Variants in BMERB1 observed in about 807,000 individuals in gnomAD.
The protein encoded by BMERB1 is bMERB domain-containing protein 1.
BMERB1 carries 12 observed loss-of-function variants against 23.6 expected under a neutral mutation model. That is an observed-to-expected ratio of 0.51 (90% CI 0.33 to 0.82). The LOEUF is 0.82. Among genes scored for constraint, BMERB1 ranks in the 40% least tolerant of loss-of-function variants. The pLI is 0.03. For missense variants in BMERB1, 247 were observed against 255.4 expected (o/e 0.97, Z 0.22); for synonymous variants, 122 against 96.6 (o/e 1.26, Z -1.54).
chr16:15,485,056 G>T (rs1474638762), intron 1 of BMERB1, among the ~76,000 whole-genome samples: 1 of 152,188 alleles, frequency 6.6e-6, no homozygotes, highest in African/African-American at 2.4e-5. Context: ...TAGCCATCAG[G>T]TAGCAATCCC....
intron 2 of BMERB1, among the ~76,000 whole-genome samples, chr16:15,544,483 A>G (rs569637777): frequency 3.3e-5 from 5 of 152,322 alleles, no homozygotes; most frequent in South Asian, 2.1e-4. Flanking sequence ...ACTGGTCCCT[A>G]TAGTTGCAGA....
intron 1 of BMERB1, among the ~76,000 whole-genome samples, chr16:15,491,016 G>T (rs1256028233): frequency 6.6e-6 from 1 of 151,316 alleles, no homozygotes; most frequent in African/African-American, 2.4e-5. Context: ...GGCTATTTTG[G>T]TTTTTGTATT....
intron 3 of BMERB1, among the ~76,000 whole-genome samples, chr16:15,572,072 A>G (rs2030742730): frequency 6.6e-6 from 1 of 152,166 alleles, no homozygotes; most frequent in Non-Finnish European, 1.5e-5. Context: ...CTTCTCAGAC[A>G]CTTTGCAGCT....
chr16:15,463,801 G>C (rs1429877888), intron 1 of BMERB1, among the ~76,000 whole-genome samples: 1 of 151,546 alleles, frequency 6.6e-6, no homozygotes, highest in East Asian at 1.9e-4. Flanking sequence ...GCCATCCATT[G>C]GAACCTGGGA....
intron 2 of BMERB1, among the ~76,000 whole-genome samples, chr16:15,544,477 G>A (rs1486494245): frequency 6.6e-6 from 1 of 152,172 alleles, no homozygotes; most frequent in Non-Finnish European, 1.5e-5. Context: ...GGTAGGACTG[G>A]TCCCTATAGT....
At chr16:15,505,409 T>G (rs1022660500) in intron 1 of BMERB1, among the ~76,000 whole-genome samples, 2 of 152,212 alleles carry the variant, frequency 1.3e-5, no homozygotes, top group Non-Finnish European at 2.9e-5. Context: ...CTGATTCACC[T>G]TGTTAAGAAA....
intron 1 of BMERB1, among the ~76,000 whole-genome samples, chr16:15,510,172 A>G (rs758599734): frequency 6.6e-6 from 1 of 152,108 alleles, no homozygotes; most frequent in Non-Finnish European, 1.5e-5. Flanking sequence ...CCCGAACTCC[A>G]AGAGATTAAA....
At chr16:15,466,286 TGTAAA>T (rs2051180075) in intron 1 of BMERB1, among the ~76,000 whole-genome samples, 1 of 152,204 alleles carries the variant, frequency 6.6e-6, no homozygotes, top group Non-Finnish European at 1.5e-5. Flanking sequence ...ATCTGATGGA[TGTAAA>T]GTAGTATTTC....
At position 15,472,648 on chromosome 16, in the gene BMERB1, C is replaced by A. The variant is rs153812; in HGVS notation, c.106+37889C>A. On this transcript the variant is annotated intron_variant, in intron 1 of 5. Transcript: ENST00000300006. ...ATATCATTATATTTGAAGTGAGTTT[C>A]TTCTAGATAACATATTGCTGGATAA... Among the ~76,000 whole-genome samples, 850 of 151,664 alleles carry A rather than the reference C, an allele frequency of 5.6e-3. 4 individuals are homozygous for A. The highest frequency in any genetic ancestry group is 9.0e-3 in the Non-Finnish European group (612 of 67,876).
chr16:15,555,854 A>G (rs1426715766), intron 2 of BMERB1, among the ~76,000 whole-genome samples: 1 of 152,182 alleles, frequency 6.6e-6, no homozygotes, highest in Non-Finnish European at 1.5e-5. Context: ...CATGTTTATC[A>G]TCTTGGAACC....
chr16:15,507,451 C>G (rs766846628), intron 1 of BMERB1, among the ~76,000 whole-genome samples: 12 of 152,176 alleles, frequency 7.9e-5, no homozygotes, highest in Non-Finnish European at 1.6e-4. Context: ...CCAGAAGTGA[C>G]TCAGCTCCTG....
chr16:15,563,647 A>G (rs1380807203), intron 2 of BMERB1, among the ~76,000 whole-genome samples: 1 of 152,194 alleles, frequency 6.6e-6, no homozygotes, highest in African/African-American at 2.4e-5. Context: ...ACTTACAATC[A>G]TGATGGAAGG....
At chr16:15,530,086 C>T (rs749137346) in intron 2 of BMERB1, among the ~76,000 whole-genome samples, 14 of 152,164 alleles carry the variant, frequency 9.2e-5, no homozygotes, top group East Asian at 1.9e-4. Flanking sequence ...CCTCCATCTC[C>T]GAAGCCAGCA....
At chr16:15,568,307 C>G (rs9941186) in intron 3 of BMERB1, among the ~76,000 whole-genome samples, 16,901 of 152,210 alleles carry the variant, frequency 0.11, 2,913 homozygotes, top group African/African-American at 0.37. Flanking sequence ...TGAAAATTGG[C>G]TAGTAATAGT....
At chr16:15,516,931 G>A (rs1268696393) in intron 2 of BMERB1, among the ~76,000 whole-genome samples, 1 of 152,056 alleles carries the variant, frequency 6.6e-6, no homozygotes, top group East Asian at 1.9e-4. Context: ...CTGCAGCCTC[G>A]AACTCCTGAA....
intron 2 of BMERB1, among the ~76,000 whole-genome samples, chr16:15,566,668 A>G (rs993658903): frequency 6.6e-6 from 1 of 152,090 alleles, no homozygotes; most frequent in Non-Finnish European, 1.5e-5. Flanking sequence ...TGTCTAAAAA[A>G]AATAAAAATA....
chr16:15,583,984 C>A, intron 5 of BMERB1: 1 of 701,866 alleles, frequency 1.4e-6, no homozygotes, highest in Non-Finnish European at 2.6e-6. Context: ...TACTGAGGCT[C>A]AGGGAGCTCT....
At chr16:15,520,893 C>T (rs995783759) in intron 2 of BMERB1, among the ~76,000 whole-genome samples, 1 of 152,070 alleles carries the variant, frequency 6.6e-6, no homozygotes, top group Non-Finnish European at 1.5e-5. Context: ...GACCCCCAGG[C>T]CTCTCAAAAA....
intron 2 of BMERB1, among the ~76,000 whole-genome samples, chr16:15,531,597 A>G (rs1246096584): frequency 6.6e-6 from 1 of 152,224 alleles, no homozygotes. Context: ...ATGACACACT[A>G]CATGGGGCAC....
Sources: gnomAD v4.1 joint callset for allele counts (sites outside exome capture counted in the v4.1 genomes callset) on GRCh38, gnomAD v4.1.1 for gene constraint, MANE v1.5 for transcripts, NCBI Gene and HGNC (gene_info 2026-07-23, HGNC 2026-07-21) for gene names.